PPP3CA: variants seen among roughly 807,000 people sequenced by gnomAD.
The protein encoded by PPP3CA is CAM-PRP catalytic subunit.
PPP3CA carries 14 observed loss-of-function variants against 66.5 expected under a neutral mutation model. That is an observed-to-expected ratio of 0.21 (90% CI 0.14 to 0.33). PPP3CA has a LOEUF of 0.33. Among genes scored for constraint, PPP3CA ranks in the 10% least tolerant of loss-of-function variants. PPP3CA has a pLI of 1.00. For missense variants in PPP3CA, 317 were observed against 639.5 expected (o/e 0.50, Z 5.44); for synonymous variants, 232 against 226.2 (o/e 1.03, Z -0.23).
chr4:101,306,596 GAAGA>G (rs1010771794), intron 1 of PPP3CA, among the ~76,000 whole-genome samples: 1 of 152,142 alleles, frequency 6.6e-6, no homozygotes, highest in African/African-American at 2.4e-5. Context: ...AAGAATAAGA[GAAGA>G]GAGAGAACAC....
At chr4:101,229,820 A>G (rs1725901932) in intron 1 of PPP3CA, among the ~76,000 whole-genome samples, 2 of 151,690 alleles carry the variant, frequency 1.3e-5, no homozygotes, top group African/African-American at 4.8e-5. Flanking sequence ...CAAAAGGTAG[A>G]CAGTGCTTTG....
chr4:101,113,328 A>G (rs1392292014), intron 2 of PPP3CA, among the ~76,000 whole-genome samples: 2 of 152,094 alleles, frequency 1.3e-5, no homozygotes, highest in African/African-American at 4.8e-5. Flanking sequence ...TACTAAATAC[A>G]CCTATGCTTT....
At chr4:101,235,992 T>C (rs1726115601) in intron 1 of PPP3CA, among the ~76,000 whole-genome samples, 1 of 150,988 alleles carries the variant, frequency 6.6e-6, no homozygotes, top group Non-Finnish European at 1.5e-5. Flanking sequence ...AAGACCATTA[T>C]ATTACCACAG....
At chr4:101,222,627 G>A (rs1193367689) in intron 1 of PPP3CA, among the ~76,000 whole-genome samples, 1 of 151,336 alleles carries the variant, frequency 6.6e-6, no homozygotes, top group Non-Finnish European at 1.5e-5. Context: ...ACTATCTATT[G>A]GCAGGTATCC....
At chr4:101,300,120 C>G (rs1479780963) in intron 1 of PPP3CA, among the ~76,000 whole-genome samples, 1 of 152,158 alleles carries the variant, frequency 6.6e-6, no homozygotes. Flanking sequence ...TTCAGAGAGA[C>G]AAATAATTTG....
chr4:101,065,850 A>C (rs1728657886), intron 8 of PPP3CA, among the ~76,000 whole-genome samples: 1 of 152,214 alleles, frequency 6.6e-6, no homozygotes, highest in African/African-American at 2.4e-5. Context: ...TAGATAAAAC[A>C]GAAGTTCTGT....
intron 11 of PPP3CA, among the ~76,000 whole-genome samples, chr4:101,035,199 G>A (rs1727186069): frequency 6.6e-6 from 1 of 152,166 alleles, no homozygotes; most frequent in East Asian, 1.9e-4. Context: ...AACCCAGGAG[G>A]TGGAGGTTGC....
chr4:101,035,715 G>C (rs974700909), intron 11 of PPP3CA, among the ~76,000 whole-genome samples: 3 of 151,830 alleles, frequency 2.0e-5, no homozygotes, highest in Admixed American at 2.0e-4. Flanking sequence ...CCTTAATTGT[G>C]ACTGCCATTC....
At chr4:101,322,468 T>C (rs936032340) in intron 1 of PPP3CA, among the ~76,000 whole-genome samples, 6 of 149,814 alleles carry the variant, frequency 4.0e-5, no homozygotes, top group African/African-American at 1.5e-4. Context: ...TGGAGTGCAA[T>C]GGTGCAATCT....
intron 2 of PPP3CA, among the ~76,000 whole-genome samples, chr4:101,179,497 T>G (rs2110173674): frequency 6.6e-6 from 1 of 152,258 alleles, no homozygotes; most frequent in Non-Finnish European, 1.5e-5. Context: ...TGCATCATCC[T>G]AGACATGATC....
rs1560605261 is a variant in PPP3CA, at chr4:101,106,466, A to AAAG, written c.384+2487_384+2488insCTT. Among the ~76,000 whole-genome samples the AAAG allele has an allele frequency of 5.0e-3, 339 of 67,392 alleles. 69 individuals carry two copies. Among genetic ancestry groups the AAAG allele is most frequent in the South Asian group, 0.016 (30 of 1,868 alleles). 44.2% of individuals were successfully genotyped at this position (67,392 alleles called of 152,430 possible). A position where few individuals can be genotyped will look rare whatever the true frequency, so the allele number is the denominator to read the frequency against. On this transcript the variant is annotated intron_variant, in intron 3 of 13. Coordinates refer to ENST00000394854, the MANE Select transcript of PPP3CA (RefSeq NM_000944.5). ...GAAAGAAAGAAAGAGAAAAGAAAAGAAAAGAAAAGAAAAGAAAAGAAAAGA... is the reference window on the plus strand; with the variant it reads ...GAAAGAAAGAAAGAGAAAAGAAAAGAAAGAAAGAAAAGAAAAGAAAAGAAAAGA...
intron 6 of PPP3CA, among the ~76,000 whole-genome samples, chr4:101,083,853 C>T (rs888981852): frequency 2.0e-5 from 3 of 152,170 alleles, no homozygotes; most frequent in African/African-American, 7.2e-5. Flanking sequence ...TCATTCAAAA[C>T]CTAAACAAAA....
chr4:101,223,519 CCT>C (rs1327379399), intron 1 of PPP3CA, among the ~76,000 whole-genome samples: 1 of 151,660 alleles, frequency 6.6e-6, no homozygotes, highest in Non-Finnish European at 1.5e-5. Flanking sequence ...GTTCTCTTCC[CCT>C]GATTCCACAA....
rs372257350 is a variant in PPP3CA, at chr4:101,139,696, GTTTTTTTT to G, written c.260-30626_260-30619del. Among the ~76,000 whole-genome samples the G allele has an allele frequency of 2.3e-3, 224 of 98,420 alleles. 1 individual carries two copies. Among genetic ancestry groups the G allele is most frequent in the African/African-American group, 8.7e-3 (217 of 25,000 alleles). 64.6% of individuals were successfully genotyped at this position (98,420 alleles called of 152,430 possible). On this transcript the variant is annotated intron_variant, in intron 2 of 13. Coordinates refer to ENST00000394854, the MANE Select transcript of PPP3CA (RefSeq NM_000944.5). ...AGTGACTTTTGAGGGTTTTTTTTGT[GTTTTTTTT>G]TTTTTTTTTTTTTGTCGTTGTTGCT...
intron 1 of PPP3CA, among the ~76,000 whole-genome samples, chr4:101,292,081 AACACACACACACACACACACACACAC>A (rs3974776): frequency 3.1e-5 from 4 of 130,642 alleles, no homozygotes; most frequent in South Asian, 2.9e-4. Flanking sequence ...TGAGCCCATG[AACACACACACACACACACACACACAC>A]ACACACACAC....
At chr4:101,193,610 T>G (rs1403636029) in intron 2 of PPP3CA, among the ~76,000 whole-genome samples, 2 of 152,124 alleles carry the variant, frequency 1.3e-5, no homozygotes, top group Non-Finnish European at 2.9e-5. Flanking sequence ...TCCACACTCC[T>G]TTACTCCCTC....
intron 2 of PPP3CA, among the ~76,000 whole-genome samples, chr4:101,112,840 T>C (rs2732512): frequency 0.13 from 19,573 of 152,064 alleles, 2,050 homozygotes; most frequent in African/African-American, 0.27. Context: ...CACTGAAATA[T>C]AACCACTGCT....
intron 1 of PPP3CA, among the ~76,000 whole-genome samples, chr4:101,342,066 G>C (rs545624423): frequency 6.6e-6 from 1 of 151,634 alleles, no homozygotes; most frequent in African/African-American, 2.4e-5. Flanking sequence ...ATAAATGAAT[G>C]GTCTATCAAA....
intron 6 of PPP3CA, among the ~76,000 whole-genome samples, chr4:101,089,254 C>CA (rs111619376): frequency 0.048 from 7,099 of 149,274 alleles, 538 homozygotes; most frequent in African/African-American, 0.16. Flanking sequence ...AGAAGAAAGA[C>CA]AAAAAAAAAG....
Sources: gnomAD v4.1 joint callset for allele counts (sites outside exome capture counted in the v4.1 genomes callset) on GRCh38, gnomAD v4.1.1 for gene constraint, MANE v1.5 for transcripts, NCBI Gene and HGNC (gene_info 2026-07-23, HGNC 2026-07-21) for gene names.